Variants in GRIN2A observed in about 807,000 individuals in gnomAD.
GRIN2A encodes the protein glutamate receptor ionotropic, NMDA 2A.
Under a neutral mutation model 113.4 loss-of-function variants are expected in GRIN2A, and 22 were observed. The ratio of observed to expected loss-of-function variants is 0.19; its 90% CI spans 0.14 to 0.28. The LOEUF (loss-of-function observed/expected upper bound fraction) is 0.28, where lower values mean the gene tolerates loss of function less well. Ranked by LOEUF, GRIN2A falls within the 10% of genes least tolerant of loss-of-function variation. The probability of loss-of-function intolerance (pLI) is 1.00; values close to 1 mark genes in which losing one functional copy is unlikely to be tolerated. For missense variants in GRIN2A, 1,502 were observed against 1,887.0 expected, an observed-to-expected ratio of 0.80 and a Z score of 3.78; for synonymous variants, 827 against 738.4, an observed-to-expected ratio of 1.12 and a Z score of -1.94.
intron 2 of GRIN2A, among the ~76,000 whole-genome samples, chr16:10,065,175 C>G (rs904454676): frequency 3.3e-5 from 5 of 152,164 alleles, no homozygotes; most frequent in Non-Finnish European, 7.3e-5. Flanking sequence ...TTTAAGGTAC[C>G]TCGCCTGCCT....
chr16:9,936,335 A>G (rs1567185874), intron 3 of GRIN2A, among the ~76,000 whole-genome samples: 1 of 152,208 alleles, frequency 6.6e-6, no homozygotes, highest in Non-Finnish European at 1.5e-5. Context: ...CTGCCTAGAA[A>G]TTAGGTGCTA....
At chr16:9,984,215 C>A (rs2045940834) in intron 2 of GRIN2A, among the ~76,000 whole-genome samples, 1 of 133,096 alleles carries the variant, frequency 7.5e-6, no homozygotes, top group Admixed American at 7.7e-5. Context: ...ACTCATTTGC[C>A]CATTTTTAAT....
At chr16:10,089,718 T>C (rs1349603264) in intron 2 of GRIN2A, among the ~76,000 whole-genome samples, 2 of 152,166 alleles carry the variant, frequency 1.3e-5, no homozygotes, top group African/African-American at 4.8e-5. Context: ...AATAATCAGA[T>C]AATAATAACA....
intron 2 of GRIN2A, among the ~76,000 whole-genome samples, chr16:10,055,312 T>A (rs1353876164): frequency 6.6e-6 from 1 of 151,980 alleles, no homozygotes; most frequent in Non-Finnish European, 1.5e-5. Flanking sequence ...ATTTTTAAAA[T>A]CTGAAATAAA....
At chr16:10,152,810 T>C (rs3852744) in intron 2 of GRIN2A, among the ~76,000 whole-genome samples, 88,334 of 152,076 alleles carry the variant, frequency 0.58, 26,471 homozygotes, top group East Asian at 0.92. Flanking sequence ...CTTAAATGCA[T>C]ATTTCTAAGT....
At chr16:10,092,741 G>A (rs1305245369) in intron 2 of GRIN2A, among the ~76,000 whole-genome samples, 1 of 152,094 alleles carries the variant, frequency 6.6e-6, no homozygotes, top group Admixed American at 6.6e-5. Context: ...TAGTAGAGAC[G>A]GGATTCAAAC....
chr16:9,771,552 T>TC (rs71400489), intron 11 of GRIN2A, among the ~76,000 whole-genome samples: 5 of 151,802 alleles, frequency 3.3e-5, no homozygotes, highest in East Asian at 3.9e-4. Context: ...TTCAGATTAC[T>TC]CCCCCCCACC....
rs1414670377 is a variant in GRIN2A at position 9,758,448 on chromosome 16, TTAAAAAAA to T, written c.*4693_*4700del. The T allele has an allele frequency of 1.8e-5, 4 of 219,824 alleles. No individual in the cohort carries two copies. Among genetic ancestry groups the T allele is most frequent in the African/African-American group, 9.0e-5 (4 of 44,590 alleles). 13.6% of individuals were successfully genotyped at this position (219,824 alleles called of 1,614,324 possible). On this transcript the variant is annotated 3_prime_UTR_variant, in exon 13 of 13. Coordinates refer to ENST00000330684, the MANE Select transcript of GRIN2A (RefSeq NM_001134407.3). ...TCTGTCATCCTCCCTACAACTGAGATTAAAAAAATATAGTGCCCTCTCTACAGAAATAT... is the reference window on the plus strand; with the variant it reads ...TCTGTCATCCTCCCTACAACTGAGATTATAGTGCCCTCTCTACAGAAATAT...
intron 3 of GRIN2A, among the ~76,000 whole-genome samples, chr16:9,900,999 A>T (rs1050281551): frequency 6.6e-6 from 1 of 152,248 alleles, no homozygotes; most frequent in African/African-American, 2.4e-5. Context: ...CTTCCAACCA[A>T]AAACTATAGA....
At position 10,110,802 on chromosome 16, in the gene GRIN2A, T is replaced by C. The variant is rs137950317; in HGVS notation, c.414+69196A>G. On this transcript the variant is annotated intron_variant, in intron 2 of 12. Coordinates refer to ENST00000330684, the MANE Select transcript of GRIN2A (RefSeq NM_001134407.3). ...TGTCAGTGGCCTTAGAAGCCATATGTTGAAGGTGGCAGAACCAAAAGATGA... is the reference window on the plus strand; with the variant it reads ...TGTCAGTGGCCTTAGAAGCCATATGCTGAAGGTGGCAGAACCAAAAGATGA... Among the ~76,000 whole-genome samples, 245 of 152,328 alleles carry C rather than the reference T, an allele frequency of 1.6e-3. 4 individuals carry two copies. The East Asian group carries it at 0.025, about 16-fold the overall frequency.
intron 9 of GRIN2A, among the ~76,000 whole-genome samples, chr16:9,826,812 T>G (rs1186390444): frequency 6.6e-6 from 1 of 152,172 alleles, no homozygotes; most frequent in Non-Finnish European, 1.5e-5. Context: ...TGAAGGTCAG[T>G]CAAATTATTA....
chr16:9,882,177 G>C (rs900807630), intron 4 of GRIN2A, among the ~76,000 whole-genome samples: 2 of 152,162 alleles, frequency 1.3e-5, no homozygotes, highest in African/African-American at 2.4e-5. Context: ...ATGGGAAAGA[G>C]ATGGCAAGGA....
chr16:10,170,521 G>A (rs2050019966), intron 2 of GRIN2A, among the ~76,000 whole-genome samples: 1 of 152,194 alleles, frequency 6.6e-6, no homozygotes, highest in Admixed American at 6.5e-5. Context: ...AACCATGTGA[G>A]GTAATGGATA....
intron 3 of GRIN2A, among the ~76,000 whole-genome samples, chr16:9,893,610 G>A (rs1336051975): frequency 2.0e-5 from 3 of 152,032 alleles, no homozygotes; most frequent in Non-Finnish European, 2.9e-5. Context: ...AGGGTTACAG[G>A]TGCCCACCAC....
At chr16:9,842,951 A>AGAGAGAGAGAGAG in intron 5 of GRIN2A, among the ~76,000 whole-genome samples, 1 of 145,234 alleles carries the variant, frequency 6.9e-6, no homozygotes, top group African/African-American at 2.6e-5. Context: ...GAAAGAAAGA[A>AGAGAGAGAGAGAG]AGAGAGAGAG....
chr16:10,180,579 G>A lies in GRIN2A; in HGVS notation c.-18-150C>T. On this transcript the variant is annotated intron_variant, in intron 1 of 12. Transcript: ENST00000330684. The surrounding 1 kb of genome is among the most constrained non-coding windows in gnomAD (Gnocchi z 7.0). ...ATCACGGACTCCATTCCGAGTCCCC[G>A]ACGCCATCCACATCCCTCGATCCAT... 3 of 1,395,198 alleles carry A rather than the reference G, an allele frequency of 2.2e-6. No individual in the cohort carries two copies. Among genetic ancestry groups the A allele is most frequent in the South Asian group, 1.4e-5 (1 of 70,938 alleles). 86.4% of individuals were successfully genotyped at this position (1,395,198 alleles called of 1,614,324 possible).
At chr16:10,125,415 G>A (rs1443021022) in intron 2 of GRIN2A, among the ~76,000 whole-genome samples, 7 of 152,114 alleles carry the variant, frequency 4.6e-5, no homozygotes, top group South Asian at 4.1e-4. Context: ...AGGAGAAGTC[G>A]AGTAAATACA....
chr16:10,032,073 C>T (rs893741623), intron 2 of GRIN2A, among the ~76,000 whole-genome samples: 2 of 152,220 alleles, frequency 1.3e-5, no homozygotes, highest in Non-Finnish European at 2.9e-5. Context: ...TTGCATGATA[C>T]TTTTTTGAAA....
intron 11 of GRIN2A, among the ~76,000 whole-genome samples, chr16:9,787,490 T>TA (rs907335308): frequency 5.9e-5 from 9 of 152,202 alleles, no homozygotes; most frequent in South Asian, 2.1e-4. Context: ...TTTGTCTCCC[T>TA]AAAACATGTA....
Sources: gnomAD v4.1 joint callset for allele counts (sites outside exome capture counted in the v4.1 genomes callset) on GRCh38, gnomAD v4.1.1 for gene constraint, Gnocchi (gnomAD v3.1) non-coding constraint, MANE v1.5 for transcripts, NCBI Gene and HGNC (gene_info 2026-07-23, HGNC 2026-07-21) for gene names.